Variants in ATG5 observed in about 807,000 individuals in gnomAD.
The protein encoded by ATG5 is autophagy related 5.
ATG5 carries 14 observed loss-of-function variants against 36.5 expected under a neutral mutation model. The observed-to-expected ratio is 0.38, with a 90% CI of 0.25 to 0.60. The LOEUF (loss-of-function observed/expected upper bound fraction) is 0.60, where lower values mean the gene tolerates loss of function less well. Among genes scored for constraint, ATG5 ranks in the 20% least tolerant of loss-of-function variants. ATG5 has a pLI of 0.60. For synonymous variants in ATG5, 95 were observed against 101.5 expected (o/e 0.94, Z 0.38); for missense variants, 195 against 326.7 (o/e 0.60, Z 3.11).
chr6:106,242,458 A>G (rs532203651), intron 6 of ATG5, among the ~76,000 whole-genome samples: 2 of 152,318 alleles, frequency 1.3e-5, no homozygotes, highest in South Asian at 4.1e-4. Flanking sequence ...ATGGGTATAG[A>G]GTTTGTTTTG....
At chr6:106,291,821 A>G (rs192248610) in intron 4 of ATG5, among the ~76,000 whole-genome samples, 1 of 152,384 alleles carries the variant, frequency 6.6e-6, no homozygotes, top group East Asian at 1.9e-4. Flanking sequence ...AAATTCATGC[A>G]TACCAACACT....
At chr6:106,228,158 T>A (rs1310945981) in intron 6 of ATG5, among the ~76,000 whole-genome samples, 4 of 152,206 alleles carry the variant, frequency 2.6e-5, no homozygotes, top group Non-Finnish European at 5.9e-5. Flanking sequence ...TTGGGTCCCC[T>A]CCCTTTGTAT....
At chr6:106,262,022 A>G (rs1258157148) in intron 5 of ATG5, among the ~76,000 whole-genome samples, 3 of 152,188 alleles carry the variant, frequency 2.0e-5, no homozygotes, top group Non-Finnish European at 4.4e-5. Context: ...TTAGTGAGTC[A>G]AAACCTTCTG....
At chr6:106,265,401 G>A (rs1360609249) in intron 5 of ATG5, among the ~76,000 whole-genome samples, 2 of 152,040 alleles carry the variant, frequency 1.3e-5, no homozygotes, top group Non-Finnish European at 2.9e-5. Flanking sequence ...CACAATAATA[G>A]TGGGGGATTT....
At chr6:106,294,952 A>G (rs1780482818) in intron 3 of ATG5, among the ~76,000 whole-genome samples, 2 of 152,006 alleles carry the variant, frequency 1.3e-5, no homozygotes, top group Non-Finnish European at 2.9e-5. Context: ...ATATCCCTTA[A>G]ATTTCTCTCT....
intron 3 of ATG5, among the ~76,000 whole-genome samples, chr6:106,299,271 T>C (rs1299794663): frequency 6.6e-6 from 1 of 152,242 alleles, no homozygotes; most frequent in Non-Finnish European, 1.5e-5. Context: ...AGATTACTTA[T>C]AATACCTATT....
intron 6 of ATG5, 143 bp from the exon 7 acceptor site, chr6:106,202,232 A>G (rs527654147): frequency 1.1e-5 from 6 of 543,874 alleles, no homozygotes; most frequent in Non-Finnish European, 1.9e-5. Flanking sequence ...CAGATGTGGT[A>G]TCACTGTGAA....
chr6:106,191,422 A>T (rs1775963523), intron 7 of ATG5, among the ~76,000 whole-genome samples: 1 of 152,126 alleles, frequency 6.6e-6, no homozygotes, highest in African/African-American at 2.4e-5. Context: ...TCCAGAGTAG[A>T]GGATCACTAA....
chr6:106,256,414 C>T (rs1778800663), intron 5 of ATG5, among the ~76,000 whole-genome samples: 1 of 152,180 alleles, frequency 6.6e-6, no homozygotes. Flanking sequence ...AGACCAATTA[C>T]CTGATTTCCC....
chr6:106,229,696 G>T (rs1255418849), intron 6 of ATG5, among the ~76,000 whole-genome samples: 1 of 152,236 alleles, frequency 6.6e-6, no homozygotes, highest in African/African-American at 2.4e-5. Flanking sequence ...GGCGTAGCCT[G>T]AAAACACTAA....
intron 6 of ATG5, among the ~76,000 whole-genome samples, chr6:106,226,275 G>C (rs918664256): frequency 3.3e-5 from 5 of 152,184 alleles, no homozygotes; most frequent in Admixed American, 2.6e-4. Context: ...ATTAGTTCAG[G>C]AAAGAAACTA....
intron 7 of ATG5, among the ~76,000 whole-genome samples, chr6:106,197,854 G>A (rs1427593731): frequency 6.6e-6 from 1 of 152,042 alleles, no homozygotes; most frequent in African/African-American, 2.4e-5. Flanking sequence ...GACTAACACA[G>A]CATCTAGTTT....
intron 4 of ATG5, among the ~76,000 whole-genome samples, chr6:106,288,458 T>C (rs1446247762): frequency 6.6e-6 from 1 of 152,102 alleles, no homozygotes; most frequent in Admixed American, 6.6e-5. Flanking sequence ...CAAATCTATA[T>C]GTTATAAAGC....
chr6:106,302,118 A>G (rs967206897), intron 3 of ATG5, among the ~76,000 whole-genome samples: 35 of 152,096 alleles, frequency 2.3e-4, no homozygotes, highest in Non-Finnish European at 4.7e-4. Context: ...AAAGAACCAC[A>G]AAAAAGGTCA....
chr6:106,295,228 A>T (rs1199590936), intron 3 of ATG5, among the ~76,000 whole-genome samples: 1 of 152,160 alleles, frequency 6.6e-6, no homozygotes, highest in East Asian at 1.9e-4. Context: ...ATTTTTTAGA[A>T]TATCTCTCTT....
intron 1 of ATG5, among the ~76,000 whole-genome samples, chr6:106,319,332 A>AT (rs34588052): frequency 0.11 from 16,768 of 152,264 alleles, 999 homozygotes; most frequent in South Asian, 0.16. Flanking sequence ...AATTATAGGT[A>AT]TAAAAAAGCT....
chr6:106,228,457 G>A (rs1024827789), intron 6 of ATG5, among the ~76,000 whole-genome samples: 1 of 152,018 alleles, frequency 6.6e-6, no homozygotes, highest in African/African-American at 2.4e-5. Flanking sequence ...TGGGTTCCAC[G>A]GTTCTCTTCT....
At chr6:106,256,512 T>C (rs1480568775) in intron 5 of ATG5, among the ~76,000 whole-genome samples, 2 of 152,220 alleles carry the variant, frequency 1.3e-5, no homozygotes, top group Admixed American at 6.5e-5. Context: ...AACATAGTCA[T>C]GCTTCATTTA....
intron 4 of ATG5, 51 bp from the exon 5 acceptor site, chr6:106,279,874 T>G (rs1779810508): frequency 8.2e-7 from 1 of 1,215,518 alleles, no homozygotes; most frequent in Non-Finnish European, 1.1e-6. Flanking sequence ...CATTACAAAA[T>G]TAACCTCTTA....
Sources: allele counts gnomAD v4.1 joint callset (sites outside exome capture counted in the v4.1 genomes callset), GRCh38; gene constraint gnomAD v4.1.1; transcripts MANE v1.5; gene names NCBI Gene and HGNC (gene_info 2026-07-23, HGNC 2026-07-21).